Variants in GMDS observed in about 807,000 individuals in gnomAD.
GMDS encodes GDP-mannose 4,6 dehydratase.
GMDS carries 20 observed loss-of-function variants against 49.9 expected under a neutral mutation model. That is an observed-to-expected ratio of 0.40 (90% confidence interval 0.28 to 0.58). The LOEUF (loss-of-function observed/expected upper bound fraction) is 0.58, where lower values mean the gene tolerates loss of function less well. Ranked by LOEUF, GMDS falls within the 20% of genes least tolerant of loss-of-function variation. GMDS has a pLI of 0.42. For synonymous variants in GMDS, 177 were observed against 178.6 expected (o/e 0.99, Z 0.07); for missense variants, 362 against 481.4 (o/e 0.75, Z 2.32).
intron 1 of GMDS, among the ~76,000 whole-genome samples, chr6:2,243,034 A>G (rs1781687389): frequency 6.6e-6 from 1 of 152,220 alleles, no homozygotes; most frequent in Non-Finnish European, 1.5e-5. Flanking sequence ...TAGCTACAGA[A>G]TTCAGCACTA....
intron 9 of GMDS, among the ~76,000 whole-genome samples, chr6:1,723,171 T>C (rs1277209322): frequency 6.6e-6 from 1 of 151,698 alleles, no homozygotes; most frequent in Non-Finnish European, 1.5e-5. Context: ...TTCAAGCTAG[T>C]ACCTGCCTTT....
intron 7 of GMDS, among the ~76,000 whole-genome samples, chr6:1,917,207 T>C (rs1761449915): frequency 1.3e-5 from 2 of 151,862 alleles, no homozygotes; most frequent in African/African-American, 4.8e-5. Flanking sequence ...ACACTTGAAG[T>C]CACTAAAAAA....
chr6:1,632,071 G>A (rs181714248), intron 9 of GMDS, among the ~76,000 whole-genome samples: 1 of 152,128 alleles, frequency 6.6e-6, no homozygotes, highest in Non-Finnish European at 1.5e-5. Context: ...TTCATGAGAG[G>A]AACAAAGTCC....
intron 4 of GMDS, among the ~76,000 whole-genome samples, chr6:2,095,897 G>T (rs1051679925): frequency 3.3e-5 from 5 of 152,152 alleles, no homozygotes; most frequent in Non-Finnish European, 7.3e-5. Flanking sequence ...CCTCAAAAAA[G>T]GGGGAGAGAG....
At chr6:1,695,070 A>AT (rs1380889910) in intron 9 of GMDS, among the ~76,000 whole-genome samples, 3 of 106,736 alleles carry the variant, frequency 2.8e-5, no homozygotes, top group Non-Finnish European at 7.1e-5. Context: ...CTATGAGCAA[A>AT]TTAAAAAAAA....
At chr6:1,957,049 T>G (rs557659135) in intron 6 of GMDS, among the ~76,000 whole-genome samples, 2 of 152,276 alleles carry the variant, frequency 1.3e-5, no homozygotes, top group South Asian at 4.2e-4. Flanking sequence ...GTGATTCACC[T>G]GCCTCGGCCT....
intron 7 of GMDS, among the ~76,000 whole-genome samples, chr6:1,857,406 T>A (rs1561848874): frequency 6.6e-6 from 1 of 152,182 alleles, no homozygotes; most frequent in Admixed American, 6.5e-5. Context: ...CTCTGTGGTG[T>A]GTTACATTGG....
At chr6:1,671,666 CTTT>C (rs35355483) in intron 9 of GMDS, among the ~76,000 whole-genome samples, 8 of 132,810 alleles carry the variant, frequency 6.0e-5, no homozygotes, top group Non-Finnish European at 7.9e-5. Flanking sequence ...CTTTTAATTA[CTTT>C]TTTTTTTTTT....
intron 4 of GMDS, among the ~76,000 whole-genome samples, chr6:2,088,220 T>C (rs1562043252): frequency 1.3e-5 from 2 of 151,740 alleles, no homozygotes; most frequent in Non-Finnish European, 2.9e-5. Flanking sequence ...ATAGCGGAGA[T>C]CAGAAAAAAA....
intron 6 of GMDS, among the ~76,000 whole-genome samples, chr6:1,956,812 A>C (rs1333453886): frequency 6.7e-6 from 1 of 148,910 alleles, no homozygotes; most frequent in Non-Finnish European, 1.5e-5. Context: ...AAAATCATTT[A>C]TTAGCTTTTT....
chr6:1,668,899 C>A (rs1223771259), intron 9 of GMDS, among the ~76,000 whole-genome samples: 3 of 152,104 alleles, frequency 2.0e-5, no homozygotes, highest in Admixed American at 6.6e-5. Context: ...AGAGAAGTAC[C>A]AAGGTATCAG....
At chr6:2,070,747 C>A (rs1771942639) in intron 4 of GMDS, among the ~76,000 whole-genome samples, 1 of 152,132 alleles carries the variant, frequency 6.6e-6, no homozygotes, top group Non-Finnish European at 1.5e-5. Flanking sequence ...ACCCATGGCT[C>A]CTAAGAACCC....
At chr6:1,783,929 A>G (rs1769210358) in intron 7 of GMDS, among the ~76,000 whole-genome samples, 1 of 152,130 alleles carries the variant, frequency 6.6e-6, no homozygotes, top group African/African-American at 2.4e-5. Flanking sequence ...GGTCTATGCA[A>G]GCCCTGGATT....
At chr6:1,644,103 G>A (rs954043807) in intron 9 of GMDS, among the ~76,000 whole-genome samples, 2 of 152,144 alleles carry the variant, frequency 1.3e-5, no homozygotes, top group Non-Finnish European at 1.5e-5. Context: ...AGGAACCCCC[G>A]GTCTGAGGTA....
At chr6:1,728,955 A>C (rs1766690742) in intron 8 of GMDS, among the ~76,000 whole-genome samples, 1 of 151,828 alleles carries the variant, frequency 6.6e-6, no homozygotes, top group South Asian at 2.1e-4. Flanking sequence ...TAAAAAAAAA[A>C]AACAAAAAAC....
At chr6:2,070,795 C>T (rs1202005920) in intron 4 of GMDS, among the ~76,000 whole-genome samples, 1 of 152,132 alleles carries the variant, frequency 6.6e-6, no homozygotes, top group Non-Finnish European at 1.5e-5. Flanking sequence ...ATTTCTGTTC[C>T]TTCTGCAGTT....
intron 7 of GMDS, among the ~76,000 whole-genome samples, chr6:1,922,537 C>G (rs1042732300): frequency 2.6e-5 from 4 of 152,212 alleles, no homozygotes; most frequent in African/African-American, 9.6e-5. Flanking sequence ...TTTGCCCACT[C>G]TCTCCTGAAT....
chr6:2,107,803 G>T (rs61109748), intron 4 of GMDS, among the ~76,000 whole-genome samples: 20,231 of 152,168 alleles, frequency 0.13, 3,638 homozygotes, highest in African/African-American at 0.41. Context: ...AGACACAAAA[G>T]GCACTATAGT....
chr6:1,739,412 G>A (rs1767170050), intron 8 of GMDS, among the ~76,000 whole-genome samples: 1 of 152,246 alleles, frequency 6.6e-6, no homozygotes, highest in Admixed American at 6.5e-5. Context: ...AGCATGGGCT[G>A]TCTCTGTCTG....
Sources: allele counts gnomAD v4.1 joint callset (sites outside exome capture counted in the v4.1 genomes callset), GRCh38; gene constraint gnomAD v4.1.1; transcripts MANE v1.5; gene names NCBI Gene and HGNC (gene_info 2026-07-23, HGNC 2026-07-21).